ZBTB20: variants seen among roughly 807,000 people sequenced by gnomAD.
ZBTB20 encodes the protein zinc finger and BTB domain containing 20.
In ZBTB20, 9 loss-of-function variants were observed where a neutral mutation model predicts 56.9. That is an observed-to-expected ratio of 0.16 (90% CI 0.10 to 0.28). The LOEUF (loss-of-function observed/expected upper bound fraction) is 0.28. Among genes scored for constraint, ZBTB20 ranks in the 10% least tolerant of loss-of-function variants. The pLI is 1.00. For synonymous variants in ZBTB20, 417 were observed against 420.7 expected (o/e 0.99, Z 0.11); for missense variants, 655 against 1,003.0 (o/e 0.65, Z 4.69).
intron 10 of ZBTB20, chr3:114,355,972 C>A (rs2081211069): frequency 6.6e-6 from 1 of 152,088 alleles, no homozygotes; most frequent in Non-Finnish European, 1.5e-5. Flanking sequence ...GTGTTATGAA[C>A]ACAAAACTGA....
At chr3:114,534,760 T>C (rs1444818288) in intron 6 of ZBTB20, among the ~76,000 whole-genome samples, 1 of 152,072 alleles carries the variant, frequency 6.6e-6, no homozygotes, top group Non-Finnish European at 1.5e-5. Flanking sequence ...CCTCAGCAAA[T>C]GTAAAAGAAT....
chr3:114,813,873 T>A (rs1351436602), intron 4 of ZBTB20, among the ~76,000 whole-genome samples: 2 of 152,180 alleles, frequency 1.3e-5, no homozygotes, highest in Non-Finnish European at 2.9e-5. Flanking sequence ...GTGTGAAGTG[T>A]TCTCTATTTG....
chr3:114,648,708 T>G (rs1266348882), intron 6 of ZBTB20, among the ~76,000 whole-genome samples: 1 of 152,040 alleles, frequency 6.6e-6, no homozygotes, highest in Non-Finnish European at 1.5e-5. Flanking sequence ...CAAAACATGT[T>G]AGCCCTACTG....
chr3:114,448,569 T>C (rs1306680069), intron 7 of ZBTB20, among the ~76,000 whole-genome samples: 2 of 152,132 alleles, frequency 1.3e-5, no homozygotes, highest in Non-Finnish European at 2.9e-5. Flanking sequence ...TGAAGATGTA[T>C]AGATATCACA....
At chr3:115,079,796 A>G (rs1412259860) in intron 1 of ZBTB20, among the ~76,000 whole-genome samples, 1 of 152,232 alleles carries the variant, frequency 6.6e-6, no homozygotes, top group Admixed American at 6.5e-5. Flanking sequence ...TAAACCTTCA[A>G]TAATTCAATT....
At chr3:114,823,023 C>T (rs752177986) in intron 4 of ZBTB20, among the ~76,000 whole-genome samples, 10 of 152,024 alleles carry the variant, frequency 6.6e-5, no homozygotes, top group Admixed American at 5.9e-4. Flanking sequence ...TAAATATCTC[C>T]AAATTTTATA....
intron 3 of ZBTB20, among the ~76,000 whole-genome samples, chr3:114,964,643 A>G (rs1256982968): frequency 6.6e-6 from 1 of 152,162 alleles, no homozygotes; most frequent in African/African-American, 2.4e-5. Context: ...TTTAAAAGAC[A>G]GCAAACAGTG....
intron 6 of ZBTB20, among the ~76,000 whole-genome samples, chr3:114,594,559 C>G (rs1490035235): frequency 6.6e-6 from 1 of 152,096 alleles, no homozygotes; most frequent in Non-Finnish European, 1.5e-5. Flanking sequence ...CAGGCTAATT[C>G]TATGTTCTTA....
chr3:114,846,085 A>G (rs1579130927), intron 4 of ZBTB20, among the ~76,000 whole-genome samples: 1 of 152,204 alleles, frequency 6.6e-6, no homozygotes, highest in Non-Finnish European at 1.5e-5. Flanking sequence ...AGAGATATGT[A>G]TGTTAGAGAC....
intron 7 of ZBTB20, among the ~76,000 whole-genome samples, chr3:114,472,845 T>C (rs956260621): frequency 2.0e-5 from 3 of 152,090 alleles, no homozygotes; most frequent in Non-Finnish European, 4.4e-5. Flanking sequence ...ACAAGAGCTA[T>C]GTGAAAGGTA....
intron 7 of ZBTB20, among the ~76,000 whole-genome samples, chr3:114,401,467 C>T (rs2086822320): frequency 6.6e-6 from 1 of 151,790 alleles, no homozygotes; most frequent in Admixed American, 6.6e-5. Context: ...TTTTTTTTGT[C>T]CTCTTTTTTG....
rs899482488 is a variant in ZBTB20, at chr3:114,534,866, T to A, written c.-294-34475A>T. Among the ~76,000 whole-genome samples, 7 of 152,278 alleles carry A rather than the reference T, an allele frequency of 4.6e-5. No individual in the cohort carries two copies. The East Asian group carries it at 1.3e-3, about 29-fold the overall frequency. On this transcript the variant is annotated intron_variant, in intron 6 of 11. Transcript: ENST00000675478. ...CAAAACCACACAACCACATGGAAAC[T>A]GAACAACCTGCTCCTGAATGACTAC...
chr3:114,848,677 C>A (rs529832233), intron 4 of ZBTB20, among the ~76,000 whole-genome samples: 3 of 152,308 alleles, frequency 2.0e-5, no homozygotes, highest in African/African-American at 7.2e-5. Context: ...GGTTACTTTA[C>A]TTTGGGACCT....
rs984658172 is a variant in ZBTB20 at position 114,838,712 on chromosome 3, T to C, written c.-416-37538A>G. On this transcript the variant is annotated intron_variant, in intron 4 of 11. Transcript: ENST00000675478. The stretch of plus-strand genomic sequence containing the variant: ...AACTTCATATTCAGAAAAGTACAAA[T>C]AGGGTCAGGTAATAAAGCACTATTC... Among the ~76,000 whole-genome samples the C allele has an allele frequency of 5.9e-5, 9 of 152,044 alleles. No homozygotes were observed. The East Asian group carries it at 1.3e-3, about 23-fold the overall frequency.
chr3:114,579,773 T>C lies in ZBTB20; in HGVS notation c.-294-79382A>G, dbSNP rs116263976. ...AAAAATTAAAAATCATAAGAATATA[T>C]AAATAACTTTGTACAAATAAATTGA... On this transcript the variant is annotated intron_variant, in intron 6 of 11. Coordinates refer to ENST00000675478, the MANE Select transcript of ZBTB20 (RefSeq NM_001348800.3). Among the ~76,000 whole-genome samples the C allele has an allele frequency of 4.4e-3, 670 of 151,532 alleles. 5 individuals carry two copies. Among genetic ancestry groups the C allele is most frequent in the African/African-American group, 0.015 (629 of 41,492 alleles).
chr3:114,994,976 T>C (rs4682167), intron 2 of ZBTB20, among the ~76,000 whole-genome samples: 89,863 of 151,742 alleles, frequency 0.59, 28,097 homozygotes, highest in East Asian at 0.75. Context: ...CCTTGGAACA[T>C]AGATTGCAAA....
chr3:114,392,502 T>G (rs568150413), intron 7 of ZBTB20, among the ~76,000 whole-genome samples: 1 of 152,286 alleles, frequency 6.6e-6, no homozygotes, highest in East Asian at 1.9e-4. Flanking sequence ...AAATTTCTCA[T>G]GCTTTGGAAA....
intron 5 of ZBTB20, among the ~76,000 whole-genome samples, chr3:114,747,500 G>T (rs1385971740): frequency 1.3e-5 from 2 of 152,124 alleles, no homozygotes; most frequent in Non-Finnish European, 2.9e-5. Flanking sequence ...GGAGATGGAG[G>T]TTGCAGTGAG....
At chr3:114,422,421 G>A (rs2718439) in intron 7 of ZBTB20, among the ~76,000 whole-genome samples, 138,688 of 152,166 alleles carry the variant, frequency 0.91, 64,605 homozygotes, top group East Asian at 1. Context: ...GCAACCGGAC[G>A]TTACCCGCCT....
Sources: gnomAD v4.1 joint callset for allele counts (sites outside exome capture counted in the v4.1 genomes callset) on GRCh38, gnomAD v4.1.1 for gene constraint, MANE v1.5 for transcripts, NCBI Gene and HGNC (gene_info 2026-07-23, HGNC 2026-07-21) for gene names.